Variants in SEMA3D observed in about 807,000 individuals in gnomAD.
SEMA3D encodes semaphorin-3D.
Under a neutral mutation model 100.1 loss-of-function variants are expected in SEMA3D, and 84 were observed. That is an observed-to-expected ratio of 0.84 (90% CI 0.70 to 1.01). The LOEUF (loss-of-function observed/expected upper bound fraction) is 1.01. SEMA3D is among the 50% of genes least tolerant of loss of function. The probability of loss-of-function intolerance (pLI) is 0.00; values close to 1 mark genes in which losing one functional copy is unlikely to be tolerated. For synonymous variants in SEMA3D, 312 were observed against 320.7 expected (o/e 0.97, Z 0.29); for missense variants, 875 against 934.1 (o/e 0.94, Z 0.82).
At chr7:85,097,109 A>G (rs1788582694) in intron 4 of SEMA3D, among the ~76,000 whole-genome samples, 2 of 151,858 alleles carry the variant, frequency 1.3e-5, no homozygotes. Context: ...GATATTTGCT[A>G]AAGTACTAGT....
chr7:85,131,006 A>G (rs774592482), intron 2 of SEMA3D, among the ~76,000 whole-genome samples: 4 of 152,120 alleles, frequency 2.6e-5, no homozygotes, highest in African/African-American at 4.8e-5. Context: ...TGTAAGGACT[A>G]AGAAACCATG....
At chr7:85,212,169 A>T in the SEMA3D span, among the ~76,000 whole-genome samples, 1 of 151,560 alleles carries the variant, frequency 6.6e-6, no homozygotes. Context: ...GGAATTTAGC[A>T]AGGCCTGTTT....
chr7:85,243,376 A>G, the SEMA3D span, among the ~76,000 whole-genome samples: 1 of 152,226 alleles, frequency 6.6e-6, no homozygotes, highest in African/African-American at 2.4e-5. Context: ...TTTCTCTCAC[A>G]TATTTGTTCA....
chr7:85,045,598 A>G (rs1203602205), intron 9 of SEMA3D, among the ~76,000 whole-genome samples: 1 of 151,892 alleles, frequency 6.6e-6, no homozygotes, highest in Non-Finnish European at 1.5e-5. Flanking sequence ...TTATCTAGAT[A>G]TGACCTGTTT....
chr7:85,230,943 C>A, the SEMA3D span, among the ~76,000 whole-genome samples: 1 of 152,174 alleles, frequency 6.6e-6, no homozygotes, highest in Non-Finnish European at 1.5e-5. Context: ...CACCAACTTC[C>A]CTCTAATAGT....
In SEMA3D at chr7:84,997,306, A is replaced by C. The variant is rs952188382; in HGVS notation, c.*2134T>G. On this transcript the variant is annotated 3_prime_UTR_variant, in exon 19 of 19. Coordinates refer to ENST00000284136, the MANE Select transcript of SEMA3D (RefSeq NM_001384900.1). ...TACTGTCGGACCCACAAATATTTGG[A>C]AATTTTTTTTAAATTAAAAATGTTC... 2 of 152,070 alleles carry C rather than the reference A, an allele frequency of 1.3e-5. No individual in the cohort carries two copies. Among genetic ancestry groups the C allele is most frequent in the Non-Finnish European group, 2.9e-5 (2 of 67,960 alleles). 9.4% of individuals were successfully genotyped at this position (152,070 alleles called of 1,614,324 possible). A position where few individuals can be genotyped will look rare whatever the true frequency, so the allele number is the denominator to read the frequency against.
the SEMA3D span, among the ~76,000 whole-genome samples, chr7:85,231,606 A>T: frequency 6.6e-6 from 1 of 151,842 alleles, no homozygotes; most frequent in African/African-American, 2.4e-5. Context: ...GTCTGCCACC[A>T]CACCCGGCTA....
intron 9 of SEMA3D, among the ~76,000 whole-genome samples, chr7:85,047,273 A>C (rs914558671): frequency 2.0e-5 from 3 of 151,912 alleles, no homozygotes; most frequent in Admixed American, 2.0e-4. Context: ...CGAATTACTA[A>C]GATCTTCTAA....
intron 2 of SEMA3D, chr7:85,151,599 G>A (rs1429174142): frequency 3.2e-4 from 5 of 15,452 alleles, no homozygotes; most frequent in African/African-American, 9.9e-4. Flanking sequence ...GTGTGTATGC[G>A]TGTGTGTGTG....
intron 12 of SEMA3D, among the ~76,000 whole-genome samples, chr7:85,023,220 C>T (rs573139031): frequency 6.3e-4 from 96 of 151,946 alleles, no homozygotes; most frequent in African/African-American, 2.3e-3. Context: ...CTAAAATTGC[C>T]TTATGTGCCT....
At chr7:85,167,653 A>T (rs1432585804) in intron 1 of SEMA3D, among the ~76,000 whole-genome samples, 3 of 151,744 alleles carry the variant, frequency 2.0e-5, no homozygotes, top group East Asian at 3.9e-4. Context: ...TCCCCAGTTT[A>T]AAAAAAATAC....
At chr7:85,033,321 G>A (rs918121799) in intron 12 of SEMA3D, among the ~76,000 whole-genome samples, 1 of 151,850 alleles carries the variant, frequency 6.6e-6, no homozygotes, top group Non-Finnish European at 1.5e-5. Flanking sequence ...TCCTACTTTC[G>A]GGGAGTCTCT....
chr7:85,228,785 T>G, the SEMA3D span, among the ~76,000 whole-genome samples: 18 of 152,186 alleles, frequency 1.2e-4, no homozygotes, highest in Admixed American at 1.3e-4. Context: ...GAAAAAGACA[T>G]AGAGAGAAGA....
At chr7:85,054,034 T>C (rs77760597) in intron 9 of SEMA3D, among the ~76,000 whole-genome samples, 1 of 151,888 alleles carries the variant, frequency 6.6e-6, no homozygotes, top group Non-Finnish European at 1.5e-5. Flanking sequence ...TATTACATGG[T>C]TGATGTTTAG....
rs185968962 is a variant in SEMA3D at position 85,034,360 on chromosome 7, A to T, written c.1191+2529T>A. 5.9e-5 allele frequency among the ~76,000 whole-genome samples: 9 copies of T among 152,222 alleles called. No individual in the cohort carries two copies. The East Asian group carries it at 1.5e-3, about 26-fold the overall frequency. On this transcript the variant is annotated intron_variant, in intron 12 of 18. Coordinates refer to ENST00000284136, the MANE Select transcript of SEMA3D (RefSeq NM_001384900.1). ...GGTGGCTCACACCTGTAATCCCAGG[A>T]CTTTGGGAGGATGAGGTGGGCGGAT...
chr7:85,000,994 T>A (rs1039134797), intron 18 of SEMA3D, among the ~76,000 whole-genome samples: 2 of 152,170 alleles, frequency 1.3e-5, no homozygotes, highest in Admixed American at 6.5e-5. Flanking sequence ...GATGGCTAAA[T>A]TAAATTTATT....
At chr7:85,195,361 A>G in the SEMA3D span, among the ~76,000 whole-genome samples, 5 of 152,304 alleles carry the variant, frequency 3.3e-5, no homozygotes, top group African/African-American at 1.2e-4. Context: ...AGGATATTCT[A>G]TAATCCCCAG....
intron 1 of SEMA3D, among the ~76,000 whole-genome samples, chr7:85,159,558 A>G (rs1001676913): frequency 3.3e-5 from 5 of 152,208 alleles, no homozygotes; most frequent in Non-Finnish European, 7.3e-5. Context: ...ATGGGGAGCC[A>G]TGTGTTGTTT....
chr7:85,039,774 C>T (rs1297874157), intron 11 of SEMA3D, among the ~76,000 whole-genome samples: 1 of 152,040 alleles, frequency 6.6e-6, no homozygotes, highest in African/African-American at 2.4e-5. Context: ...ATAACAGCCA[C>T]ACCTGTCTTT....
Sources: allele counts gnomAD v4.1 joint callset (sites outside exome capture counted in the v4.1 genomes callset), GRCh38; gene constraint gnomAD v4.1.1; transcripts MANE v1.5; gene names NCBI Gene and HGNC (gene_info 2026-07-23, HGNC 2026-07-21).